Variants in MEIS2 observed in about 807,000 individuals in gnomAD.
MEIS2 encodes the protein homeobox protein Meis2.
MEIS2 carries 9 observed loss-of-function variants against 58.6 expected under a neutral mutation model. The ratio of observed to expected loss-of-function variants is 0.15; its 90% CI spans 0.09 to 0.27. MEIS2 has a LOEUF of 0.27. Ranked by LOEUF, MEIS2 falls within the 10% of genes least tolerant of loss-of-function variation. MEIS2 has a pLI of 1.00. For synonymous variants in MEIS2, 221 were observed against 228.4 expected, an observed-to-expected ratio of 0.97 and a Z score of 0.29; for missense variants, 427 against 635.0, an observed-to-expected ratio of 0.67 and a Z score of 3.52.
intron 9 of MEIS2, among the ~76,000 whole-genome samples, chr15:36,918,119 T>C (rs148178912): frequency 6.6e-6 from 1 of 152,322 alleles, no homozygotes; most frequent in African/African-American, 2.4e-5. Flanking sequence ...ACAAGCCACA[T>C]TTGTCAAATA....
intron 8 of MEIS2, among the ~76,000 whole-genome samples, chr15:37,022,612 T>C (rs2141679066): frequency 6.6e-6 from 1 of 152,220 alleles, no homozygotes; most frequent in South Asian, 2.1e-4. Flanking sequence ...AATGGACCTA[T>C]TCATCTTTTG....
intron 8 of MEIS2, among the ~76,000 whole-genome samples, chr15:37,007,352 G>C (rs572563700): frequency 5.3e-5 from 8 of 152,040 alleles, no homozygotes; most frequent in African/African-American, 1.4e-4. Flanking sequence ...AACATAGCAA[G>C]GTCCCATCTC....
At chr15:36,962,520 C>T (rs1161345867) in intron 8 of MEIS2, among the ~76,000 whole-genome samples, 1 of 151,694 alleles carries the variant, frequency 6.6e-6, no homozygotes, top group Non-Finnish European at 1.5e-5. Flanking sequence ...AGTTATACTA[C>T]ACTTTTTATT....
At chr15:36,901,350 T>G (rs2056460595) in intron 9 of MEIS2, among the ~76,000 whole-genome samples, 1 of 152,210 alleles carries the variant, frequency 6.6e-6, no homozygotes. Context: ...TGTGCTATGG[T>G]TACAGCTGAG....
intron 7 of MEIS2, among the ~76,000 whole-genome samples, chr15:37,041,989 C>T (rs115048421): frequency 0.016 from 2,500 of 152,080 alleles, 71 homozygotes; most frequent in African/African-American, 0.056. Flanking sequence ...CCAACCTGGG[C>T]AACATAGTGA....
chr15:36,998,046 C>A (rs1286750951), intron 8 of MEIS2, among the ~76,000 whole-genome samples: 1 of 152,032 alleles, frequency 6.6e-6, no homozygotes, highest in African/African-American at 2.4e-5. Flanking sequence ...CTGTACTGTC[C>A]CTTTAGATGT....
chr15:36,919,116 G>C (rs951265525), intron 9 of MEIS2, among the ~76,000 whole-genome samples: 2 of 152,048 alleles, frequency 1.3e-5, no homozygotes, highest in Non-Finnish European at 1.5e-5. Flanking sequence ...AGGAGTTTGA[G>C]GCTGCAGTGA....
At chr15:36,965,451 C>T (rs2059323205) in intron 8 of MEIS2, among the ~76,000 whole-genome samples, 2 of 152,162 alleles carry the variant, frequency 1.3e-5, no homozygotes, top group Admixed American at 6.5e-5. Context: ...TAACTAAACT[C>T]ATACCTCTCT....
At chr15:36,956,627 C>T (rs1481807378) in intron 8 of MEIS2, among the ~76,000 whole-genome samples, 4 of 152,104 alleles carry the variant, frequency 2.6e-5, no homozygotes, top group African/African-American at 7.2e-5. Flanking sequence ...CCTGGAGTTA[C>T]TAATGGCTAT....
chr15:37,087,886 TAA>T (rs1893079355), intron 6 of MEIS2, among the ~76,000 whole-genome samples: 1 of 152,160 alleles, frequency 6.6e-6, no homozygotes, highest in African/African-American at 2.4e-5. Context: ...GTGAAATGTA[TAA>T]AGTGTTTGTA....
At chr15:36,945,998 T>G (rs951809878) in intron 9 of MEIS2, among the ~76,000 whole-genome samples, 6 of 152,146 alleles carry the variant, frequency 3.9e-5, no homozygotes, top group African/African-American at 1.2e-4. Flanking sequence ...CATGAGTTTT[T>G]AAAAGTACAG....
At chr15:36,963,254 C>T (rs2059246828) in intron 8 of MEIS2, among the ~76,000 whole-genome samples, 1 of 152,110 alleles carries the variant, frequency 6.6e-6, no homozygotes, top group Non-Finnish European at 1.5e-5. Context: ...GTGGCAGGCA[C>T]CTGTAATCCT....
At chr15:37,098,304 G>C in intron 1 of MEIS2, 105 bp from the exon 2 acceptor site, 1 of 1,401,930 alleles carries the variant, frequency 7.1e-7, no homozygotes. Context: ...ACAGAAAAGA[G>C]AGGAAGGGAT....
Position 37,046,912 on chromosome 15 carries a change from T to A in MEIS2, c.755-9953A>T, listed in dbSNP as rs1596005468. 1.3e-5 allele frequency among the ~76,000 whole-genome samples: 2 copies of A among 151,984 alleles called. 1 individual carries two copies. The highest frequency in any genetic ancestry group is 1.3e-4 in the Admixed American group (2 of 15,258). Reference sequence around the variant, plus strand: ...ATATTGCTTACCAATTTTAAAATATTTAAGAAAGGATCTCTGTTCTCCTAA... The same window carrying A: ...ATATTGCTTACCAATTTTAAAATATATAAGAAAGGATCTCTGTTCTCCTAA... On this transcript the variant is annotated intron_variant, in intron 7 of 11. Transcript: ENST00000561208.
Position 37,099,614 on chromosome 15 carries a change from G to T in MEIS2, c.-148C>A. The T allele has an allele frequency of 8.7e-7, 1 of 1,151,176 alleles. No homozygotes were observed. The highest frequency in any genetic ancestry group is 1.2e-6 in the Non-Finnish European group (1 of 837,244). The allele number at this position is 1,151,176 out of a possible 1,614,324, so 71.3% of individuals were successfully genotyped here. A position where few individuals can be genotyped will look rare whatever the true frequency, so the allele number is the denominator to read the frequency against. On this transcript the variant is annotated 5_prime_UTR_variant, in exon 1 of 12. Coordinates refer to ENST00000561208, the MANE Select transcript of MEIS2 (RefSeq NM_170675.5). The stretch of plus-strand genomic sequence containing the variant: ...TCTCCAATATGCTATTTTTTAGGGG[G>T]GAAAAAAAGCCCAGTCTAGACAACG...
intron 4 of MEIS2, 62 bp downstream of exon 4, chr15:37,095,502 G>C: frequency 6.2e-7 from 1 of 1,609,448 alleles, no homozygotes; most frequent in Non-Finnish European, 8.5e-7. Context: ...AGCAGAAAGT[G>C]GGTGCTTCTG....
At chr15:36,974,101 C>G (rs1375188612) in intron 8 of MEIS2, among the ~76,000 whole-genome samples, 1 of 152,176 alleles carries the variant, frequency 6.6e-6, no homozygotes, top group Non-Finnish European at 1.5e-5. Context: ...TGTCACCAAA[C>G]TTTCAGGTAC....
intron 8 of MEIS2, among the ~76,000 whole-genome samples, chr15:37,007,141 TTGTC>T (rs1313515816): frequency 6.6e-6 from 1 of 152,150 alleles, no homozygotes; most frequent in Non-Finnish European, 1.5e-5. Context: ...TGGGTCCAAT[TTGTC>T]TGAGGGCAAT....
chr15:37,091,063 T>C (rs962855362), intron 6 of MEIS2, among the ~76,000 whole-genome samples: 5 of 152,114 alleles, frequency 3.3e-5, no homozygotes, highest in South Asian at 2.1e-4. Flanking sequence ...AACCTGAAGA[T>C]TCAAATTGGG....
Sources: gnomAD v4.1 joint callset for allele counts (sites outside exome capture counted in the v4.1 genomes callset) on GRCh38, gnomAD v4.1.1 for gene constraint, MANE v1.5 for transcripts, NCBI Gene and HGNC (gene_info 2026-07-23, HGNC 2026-07-21) for gene names.